ZNF44: variants seen among roughly 807,000 people sequenced by gnomAD.
ZNF44 encodes the protein gonadotropin inducible transcription repressor-2.
Under a neutral mutation model 11.7 loss-of-function variants are expected in ZNF44, and 9 were observed. The observed-to-expected ratio is 0.77, with a 90% CI of 0.46 to 1.35. The LOEUF (loss-of-function observed/expected upper bound fraction) is 1.35, where lower values mean the gene tolerates loss of function less well. ZNF44 is among the 40% of genes most tolerant of loss of function. ZNF44 has a pLI of 0.00. For missense variants in ZNF44, 696 were observed against 743.1 expected, an observed-to-expected ratio of 0.94 and a Z score of 0.74; for synonymous variants, 224 against 242.7, an observed-to-expected ratio of 0.92 and a Z score of 0.72.
chr19:12,285,109 T>C (rs898570675), intron 1 of ZNF44: 18 of 645,642 alleles, frequency 2.8e-5, no homozygotes, highest in Middle Eastern at 8.7e-4. Context: ...TATCAGGAAT[T>C]CACTGACCAC....
chr19:12,250,639 C>CA, intron 5 of ZNF44: 2 of 391,016 alleles, frequency 5.1e-6, no homozygotes, highest in Admixed American at 3.1e-5. Flanking sequence ...AAATGCTGTA[C>CA]AAAAAAATTC....
At chr19:12,248,710 AT>A (rs1208643475) in intron 7 of ZNF44, 1 of 1,150,318 alleles carries the variant, frequency 8.7e-7, no homozygotes, top group Non-Finnish European at 1.1e-6. Flanking sequence ...TTAATAGTTC[AT>A]TTTTTAAAGA....
chr19:12,265,411 A>G (rs1204521284), intron 5 of ZNF44, among the ~76,000 whole-genome samples: 2 of 152,206 alleles, frequency 1.3e-5, no homozygotes, highest in Non-Finnish European at 2.9e-5. Flanking sequence ...AGCAGGATGT[A>G]ATACTGGATT....
At chr19:12,247,771 A>G (rs1916817172) in exon 8 of ZNF44, 2 of 1,308,394 alleles carry the variant, frequency 1.5e-6, no homozygotes, top group Non-Finnish European at 1.0e-6. Flanking sequence ...CATTTTTTAC[A>G]CTCAAAGGGT....
Position 12,275,017 on chromosome 19 carries a change from GT to G in ZNF44, c.146del (p.Asn49ThrfsTer20). On this transcript the variant is annotated frameshift_variant, in exon 3 of 4. Transcript: ENST00000355684. LOFTEE classifies it low-confidence loss of function (END_TRUNC). Reference sequence around the variant, plus strand: ...TTTGGTGCTGATCATCAATGTTCTGGTTTTCCCATTTCATTCCTAAAAGAGA... The same window carrying G: ...TTTGGTGCTGATCATCAATGTTCTGGTTTCCCATTTCATTCCTAAAAGAGA... ...NLNCIGMKWE[N>X]QNIDDQHQNL... 1.3e-6 allele frequency: 2 copies of G among 1,582,168 alleles called. No homozygotes were observed. Among genetic ancestry groups the G allele is most frequent in the Admixed American group, 1.8e-5 (1 of 55,460 alleles).
At chr19:12,234,114 T>C (rs1916280551) in intron 2 of ZNF44, among the ~76,000 whole-genome samples, 1 of 152,028 alleles carries the variant, frequency 6.6e-6, no homozygotes. Flanking sequence ...TTAATAGGTT[T>C]TGAACGTACA....
chr19:12,235,238 A>G (rs983767353), intron 1 of ZNF44, among the ~76,000 whole-genome samples: 12 of 152,220 alleles, frequency 7.9e-5, no homozygotes, highest in Admixed American at 2.0e-4. Flanking sequence ...GCGTGGTAGC[A>G]GGCGCCTGTA....
chr19:12,276,149 T>A, intron 1 of ZNF44, 67 bp from the exon 2 acceptor site: 1 of 1,559,194 alleles, frequency 6.4e-7, no homozygotes, highest in South Asian at 1.1e-5. Context: ...TATACTCACC[T>A]TCATAAACTT....
chr19:12,236,677 A>G (rs1916401622), intron 1 of ZNF44, among the ~76,000 whole-genome samples: 1 of 152,154 alleles, frequency 6.6e-6, no homozygotes. Flanking sequence ...TCCCTGTCTA[A>G]ACCCTGCGAT....
chr19:12,239,475 C>T (rs1008036338), upstream of ZNF44, among the ~76,000 whole-genome samples: 21 of 143,560 alleles, frequency 1.5e-4, no homozygotes, highest in African/African-American at 4.4e-4. Flanking sequence ...AGGCTGGTCT[C>T]GAAGTCCTGC....
chr19:12,255,132 A>ACCCC (rs59134952), intron 5 of ZNF44, among the ~76,000 whole-genome samples: 3,329 of 145,124 alleles, frequency 0.023, 118 homozygotes, highest in African/African-American at 0.083. Context: ...ACACACACAC[A>ACCCC]CCCCTTTGTG....
chr19:12,258,160 C>CAAAAAA (rs770370872), intron 5 of ZNF44, among the ~76,000 whole-genome samples: 1 of 55,896 alleles, frequency 1.8e-5, no homozygotes, highest in Non-Finnish European at 3.4e-5. Flanking sequence ...CTCATCTCTA[C>CAAAAAA]AAAAAAAAAA....
downstream of ZNF44, chr19:12,247,237 G>A (rs767614660): frequency 5.9e-5 from 67 of 1,133,734 alleles, no homozygotes; most frequent in Admixed American, 7.8e-5. Flanking sequence ...TTTGAAAATC[G>A]TTAAAATTGA....
intron 1 of ZNF44, among the ~76,000 whole-genome samples, chr19:12,281,497 C>T (rs940940545): frequency 1.3e-5 from 2 of 152,068 alleles, no homozygotes; most frequent in African/African-American, 2.4e-5. Context: ...AATCAACACC[C>T]TAACCTTCCA....
intron 3 of ZNF44, chr19:12,226,620 G>A (rs1915929742): frequency 6.6e-6 from 1 of 152,152 alleles, no homozygotes; most frequent in Admixed American, 6.5e-5. Flanking sequence ...CCAAATTCTG[G>A]AGAAAATCAG....
upstream of ZNF44, among the ~76,000 whole-genome samples, chr19:12,239,672 C>G (rs1045293204): frequency 6.8e-6 from 1 of 146,308 alleles, no homozygotes; most frequent in Non-Finnish European, 1.5e-5. Context: ...CCTCCCTGTT[C>G]AAGCGATTCT....
At chr19:12,250,275 T>A (rs773284839) in exon 6 of ZNF44, 1 of 1,366,060 alleles carries the variant, frequency 7.3e-7, no homozygotes, top group South Asian at 1.1e-5. Context: ...GTTTCCCACA[T>A]CACGTCTCTG....
chr19:12,275,168 A>C, intron 2 of ZNF44, 135 bp from the exon 3 acceptor site: 2 of 563,348 alleles, frequency 3.6e-6, no homozygotes, highest in Admixed American at 3.7e-5. Context: ...CACAGGTTTG[A>C]ACTGCACAAG....
chr19:12,274,171 T>C (rs921993450), intron 3 of ZNF44, 108 bp from the exon 4 acceptor site: 31 of 992,900 alleles, frequency 3.1e-5, no homozygotes, highest in Non-Finnish European at 4.3e-5. Flanking sequence ...ATAAGCTTCA[T>C]GTCCTGCTTC....
Sources: allele counts gnomAD v4.1 joint callset (sites outside exome capture counted in the v4.1 genomes callset), GRCh38; gene constraint gnomAD v4.1.1; transcripts MANE v1.5; gene names NCBI Gene and HGNC (gene_info 2026-07-23, HGNC 2026-07-21).